Variants in LTBP1 observed in about 807,000 individuals in gnomAD.
The protein encoded by LTBP1 is latent-transforming growth factor beta-binding protein 1.
LTBP1 carries 129 observed loss-of-function variants against 207.6 expected under a neutral mutation model. The observed-to-expected ratio is 0.62, with a 90% CI of 0.54 to 0.72. The LOEUF (loss-of-function observed/expected upper bound fraction) is 0.72, where lower values mean the gene tolerates loss of function less well. Among genes scored for constraint, LTBP1 ranks in the 30% least tolerant of loss-of-function variants. The pLI is 0.00. For synonymous variants in LTBP1, 963 were observed against 833.7 expected, an observed-to-expected ratio of 1.16 and a Z score of -2.67; for missense variants, 2,281 against 2,217.2, an observed-to-expected ratio of 1.03 and a Z score of -0.58.
At chr2:33,078,857 C>CTTTTTTTTTTTTTTTTTTTTTTTTTT (rs879714056) in intron 3 of LTBP1, among the ~76,000 whole-genome samples, 2 of 92,156 alleles carry the variant, frequency 2.2e-5, no homozygotes, top group Admixed American at 1.5e-4. Context: ...CTTTTCTTTT[C>CTTTTTTTTTTTTTTTTTTTTTTTTTT]TTTTCTTTTT....
intron 15 of LTBP1, among the ~76,000 whole-genome samples, chr2:33,265,635 T>A (rs2093154550): frequency 1.3e-5 from 2 of 152,172 alleles, no homozygotes; most frequent in Non-Finnish European, 2.9e-5. Context: ...CCAGTTTTTT[T>A]AAAGACATAT....
chr2:33,130,071 C>G (rs1055061415), intron 4 of LTBP1, among the ~76,000 whole-genome samples: 1 of 152,166 alleles, frequency 6.6e-6, no homozygotes, highest in African/African-American at 2.4e-5. Context: ...GCCTGGAGAG[C>G]TGAACAATAA....
intron 24 of LTBP1, among the ~76,000 whole-genome samples, chr2:33,316,599 G>A (rs939262753): frequency 1.7e-4 from 26 of 152,178 alleles, no homozygotes; most frequent in Admixed American, 9.8e-4. Context: ...GGGTTTGGAA[G>A]GGATAGGAAG....
chr2:33,142,821 G>A (rs1017928663), intron 5 of LTBP1, among the ~76,000 whole-genome samples: 21 of 152,198 alleles, frequency 1.4e-4, no homozygotes, highest in Admixed American at 2.6e-4. Context: ...AGTGGATGGG[G>A]CTCCTTGAAA....
intron 22 of LTBP1, among the ~76,000 whole-genome samples, chr2:33,302,901 A>G (rs367860097): frequency 8.9e-4 from 135 of 151,610 alleles, no homozygotes; most frequent in African/African-American, 2.9e-3. Flanking sequence ...CGTCTCTACT[A>G]AAAAAATACA....
chr2:33,176,717 G>A (rs1228373247), intron 5 of LTBP1, among the ~76,000 whole-genome samples: 1 of 152,102 alleles, frequency 6.6e-6, no homozygotes, highest in Non-Finnish European at 1.5e-5. Flanking sequence ...GGAGATGGCA[G>A]GCATGAGCAG....
At chr2:33,018,737 C>A (rs1018949625) in intron 2 of LTBP1, among the ~76,000 whole-genome samples, 2 of 152,176 alleles carry the variant, frequency 1.3e-5, no homozygotes, top group Admixed American at 6.5e-5. Context: ...TGGGAACAGC[C>A]TTTATTCTCA....
At chr2:32,992,376 G>T (rs752348300) in intron 2 of LTBP1, among the ~76,000 whole-genome samples, 2 of 152,148 alleles carry the variant, frequency 1.3e-5, no homozygotes, top group East Asian at 3.9e-4. Flanking sequence ...AGGTTGAGAC[G>T]GGAGAAGGGC....
chr2:33,126,259 G>A (rs1460861925), intron 4 of LTBP1, among the ~76,000 whole-genome samples: 2 of 152,100 alleles, frequency 1.3e-5, no homozygotes, highest in African/African-American at 2.4e-5. Context: ...TTTAGAAACA[G>A]GGTCTTGCTA....
At chr2:33,080,545 T>C (rs1454802657) in intron 3 of LTBP1, among the ~76,000 whole-genome samples, 1 of 152,204 alleles carries the variant, frequency 6.6e-6, no homozygotes, top group Admixed American at 6.5e-5. Flanking sequence ...TATTATTGTA[T>C]ATTATATTGT....
At chr2:33,032,989 T>C (rs1043889958) in intron 3 of LTBP1, among the ~76,000 whole-genome samples, 3 of 152,210 alleles carry the variant, frequency 2.0e-5, no homozygotes, top group Non-Finnish European at 1.5e-5. Flanking sequence ...AGCTCAGCTT[T>C]ATGTTCAAAT....
chr2:33,036,071 G>A (rs183328749), intron 3 of LTBP1, among the ~76,000 whole-genome samples: 67 of 152,262 alleles, frequency 4.4e-4, no homozygotes, highest in Admixed American at 3.9e-3. Flanking sequence ...CATATTGTTT[G>A]TATTCTTCTG....
At chr2:33,173,705 AAG>A (rs2085714129) in intron 5 of LTBP1, among the ~76,000 whole-genome samples, 1 of 150,692 alleles carries the variant, frequency 6.6e-6, no homozygotes, top group Non-Finnish European at 1.5e-5. Context: ...ACAACCAAAA[AAG>A]AGAATTTTAG....
chr2:33,267,860 T>TA (rs1408129892), intron 15 of LTBP1, among the ~76,000 whole-genome samples: 21 of 152,178 alleles, frequency 1.4e-4, no homozygotes, highest in Non-Finnish European at 2.6e-4. Context: ...CAGAGCTGGT[T>TA]AAAAAAACAA....
chr2:33,048,573 T>G (rs139702536), intron 3 of LTBP1, among the ~76,000 whole-genome samples: 79 of 152,342 alleles, frequency 5.2e-4, no homozygotes, highest in African/African-American at 1.9e-3. Context: ...TATGTTTACT[T>G]CTGTCTAAAA....
Position 33,187,070 on chromosome 2 carries a change from A to G in LTBP1, c.1416A>G (p.Gln472=), listed in dbSNP as rs1158735941. 2.5e-6 allele frequency: 4 copies of G among 1,613,756 alleles called. No individual in the cohort carries two copies. The East Asian group carries it at 8.9e-5, about 36-fold the overall frequency. The stretch of plus-strand genomic sequence containing the variant: ...TGCCTCTGACCGTGACTAGCCAGCA[A>G]GGAGTCAAAGGTAAGCTTTTTTCAT... ...HTLPLTVTSQ[Q]GVKVKFPPNI... is the part of the protein sequence containing the mutation. The change falls in exon 6 of 34, where the codon CAA becomes CAG. Residue 472 remains glutamine, a synonymous_variant. Coordinates refer to ENST00000404816, the MANE Select transcript of LTBP1 (RefSeq NM_206943.4).
intron 2 of LTBP1, among the ~76,000 whole-genome samples, chr2:32,971,466 C>A (rs1558456049): frequency 6.6e-6 from 1 of 151,972 alleles, no homozygotes; most frequent in Non-Finnish European, 1.5e-5. Context: ...GAAAATTATT[C>A]CATGCCTAGT....
intron 7 of LTBP1, among the ~76,000 whole-genome samples, chr2:33,191,709 G>A (rs921776882): frequency 1.1e-4 from 16 of 152,148 alleles, no homozygotes; most frequent in Non-Finnish European, 1.5e-4. Flanking sequence ...GATTTTAAAT[G>A]GCAGATAATC....
chr2:33,074,023 ATTAGTT>A (rs1462237404), intron 3 of LTBP1, among the ~76,000 whole-genome samples: 1 of 152,128 alleles, frequency 6.6e-6, no homozygotes, highest in East Asian at 1.9e-4. Context: ...CACTTTTTCC[ATTAGTT>A]TTGGTTGGCC....
Sources: gnomAD v4.1 joint callset for allele counts (sites outside exome capture counted in the v4.1 genomes callset) on GRCh38, gnomAD v4.1.1 for gene constraint, MANE v1.5 for transcripts, NCBI Gene and HGNC (gene_info 2026-07-23, HGNC 2026-07-21) for gene names.